Variants in TPGS1 observed in about 807,000 individuals in gnomAD.
TPGS1 encodes tubulin polyglutamylase complex subunit 1.
In TPGS1, 18 loss-of-function variants were observed where a neutral mutation model predicts 11.9. That is an observed-to-expected ratio of 1.51 (90% CI 1.04 to 2.24). The LOEUF (loss-of-function observed/expected upper bound fraction) is 2.24. Ranked by LOEUF, TPGS1 falls within the 30% of genes most tolerant of loss-of-function variation. TPGS1 has a pLI of 0.00. For missense variants in TPGS1, 500 were observed against 443.0 expected (o/e 1.13, Z -1.16); for synonymous variants, 247 against 218.2 (o/e 1.13, Z -1.16).
intron 1 of TPGS1, among the ~76,000 whole-genome samples, chr19:516,278 C>T (rs928511866): frequency 1.3e-5 from 2 of 152,068 alleles, no homozygotes; most frequent in Non-Finnish European, 2.9e-5. Flanking sequence ...GAACAAAGGG[C>T]TTTTCCTATT....
chr19:512,198 C>A (rs925080691), intron 1 of TPGS1, among the ~76,000 whole-genome samples: 19 of 152,194 alleles, frequency 1.2e-4, no homozygotes, highest in Admixed American at 1.0e-3. Flanking sequence ...CAGGGTCTTG[C>A]TGTCACGCAG....
In TPGS1 at chr19:507,725, C is replaced by T. The variant is rs1435727109; in HGVS notation, c.219C>T (p.Asn73=). ...CCTTCCTGGCTCACTACTTCGAGAA[C>T]ATGGGCCTGCGCTCGCCTGTAAACG... is the stretch of plus-strand genomic sequence containing the variant. ...PIAFLAHYFE[N]MGLRSPVNGG... Residue 73 remains asparagine (N), a synonymous_variant, in exon 1 of 2, where the codon AAC becomes AAT. Transcript: ENST00000359315. The T allele has an allele frequency of 1.4e-6, 2 of 1,401,362 alleles. No homozygotes were observed. Among genetic ancestry groups the T allele is most frequent in the African/African-American group, 1.5e-5 (1 of 66,434 alleles). 86.8% of individuals were successfully genotyped at this position (1,401,362 alleles called of 1,614,324 possible).
intron 1 of TPGS1, among the ~76,000 whole-genome samples, chr19:510,940 A>G (rs1978777234): frequency 6.6e-6 from 1 of 152,190 alleles, no homozygotes; most frequent in African/African-American, 2.4e-5. Context: ...CGTGACAACC[A>G]CAGATGTCCC....
chr19:519,319 G>T lies in TPGS1; in HGVS notation c.769G>T (p.Asp257Tyr). The change falls in exon 2 of 2, where the codon GAC becomes TAC. Residue 257 changes from aspartate (D) to tyrosine (Y), a missense_variant. Physicochemically the swap from Asp to Tyr is radical, Grantham distance 160. Transcript: ENST00000359315. ...GCCCGACAGCCTGGCGCTGGCGCTGGACCGCGCCGTCGGGGGGCGGCGGCC... is the reference window on the plus strand; with the variant it reads ...GCCCGACAGCCTGGCGCTGGCGCTGTACCGCGCCGTCGGGGGGCGGCGGCC... ...LGPDSLALAL[D>Y]RAVGGRRPSA... 8.4e-7 allele frequency: 1 copy of T among 1,189,366 alleles called. No homozygotes were observed. The highest frequency in any genetic ancestry group is 3.7e-5 in the East Asian group (1 of 27,162). 73.7% of individuals were successfully genotyped at this position (1,189,366 alleles called of 1,614,324 possible).
chr19:515,134 C>T (rs930011289), intron 1 of TPGS1, among the ~76,000 whole-genome samples: 1 of 152,222 alleles, frequency 6.6e-6, no homozygotes, highest in African/African-American at 2.4e-5. Flanking sequence ...TGTCAGCGGA[C>T]TGATGTGGTT....
rs552616925 is a variant in TPGS1 at position 519,297 on chromosome 19, C to T, written c.747C>T (p.Pro249=). 6 of 1,188,672 alleles carry T rather than the reference C, an allele frequency of 5.0e-6. No individual in the cohort carries two copies. Among genetic ancestry groups the T allele is most frequent in the African/African-American group, 1.6e-5 (1 of 62,170 alleles). 73.6% of individuals were successfully genotyped at this position (1,188,672 alleles called of 1,614,324 possible). Residue 249 remains proline, a synonymous_variant, in exon 2 of 2, where the codon CCC becomes CCT. Coordinates refer to ENST00000359315, the MANE Select transcript of TPGS1 (RefSeq NM_033513.3). ...RFLEAGSRLG[P]DSLALALDRA... ...TGGAGGCCGGCTCGCGCTTGGGGCC[C>T]GACAGCCTGGCGCTGGCGCTGGACC...
chr19:509,127 C>T (rs1978713282), intron 1 of TPGS1: 1 of 152,242 alleles, frequency 6.6e-6, no homozygotes, highest in Non-Finnish European at 1.5e-5. Context: ...GAAGACTGAA[C>T]TGGAGGGGTC....
At chr19:509,892 G>C in intron 1 of TPGS1, 1 of 152,578 alleles carries the variant, frequency 6.6e-6, no homozygotes, top group Non-Finnish European at 1.5e-5. Context: ...CCCGGCCCTG[G>C]GCTCGCCTGG....
At chr19:510,885 A>G (rs116617193) in intron 1 of TPGS1, among the ~76,000 whole-genome samples, 2,682 of 152,284 alleles carry the variant, frequency 0.018, 78 homozygotes, top group African/African-American at 0.062. Context: ...GGCCCTGAGC[A>G]GCGTCCCTGG....
chr19:518,661 G>A (rs1478952775), intron 1 of TPGS1, among the ~76,000 whole-genome samples: 3 of 143,710 alleles, frequency 2.1e-5, no homozygotes, highest in East Asian at 2.1e-4. Context: ...GGGATGCTGC[G>A]GGGAGGAGAG....
chr19:508,006 G>A (rs761446138), intron 1 of TPGS1, 162 bp downstream of exon 1: 24 of 531,996 alleles, frequency 4.5e-5, no homozygotes, highest in Non-Finnish European at 6.6e-5. Flanking sequence ...GACAAGGTGG[G>A]CTGGAGGGTC....
intron 1 of TPGS1, 24 bp downstream of exon 1, chr19:507,868 G>A: frequency 7.6e-7 from 1 of 1,308,878 alleles, no homozygotes; most frequent in South Asian, 2.1e-5. Flanking sequence ...CGGCTTGGGC[G>A]GGTGGGGCAG....
chr19:519,186 G>A lies in TPGS1; in HGVS notation c.636G>A (p.Val212=), dbSNP rs1383015716. 2.0e-6 allele frequency: 3 copies of A among 1,488,340 alleles called. No individual in the cohort carries two copies. Among genetic ancestry groups the A allele is most frequent in the South Asian group, 1.3e-5 (1 of 78,412 alleles). 92.2% of individuals were successfully genotyped at this position (1,488,340 alleles called of 1,614,324 possible). A position where few individuals can be genotyped will look rare whatever the true frequency, so the allele number is the denominator to read the frequency against. Residue 212 remains valine (V), a synonymous_variant, in exon 2 of 2, where the codon GTG becomes GTA. Transcript: ENST00000359315. Reference sequence around the variant, plus strand: ...TGCTGGAGGACTCGGCCGCCGCCGTGGCCGACCGCCGCGTGGGCCAGGCCG... The same window carrying A: ...TGCTGGAGGACTCGGCCGCCGCCGTAGCCGACCGCCGCGTGGGCCAGGCCG... ...FQLLEDSAAA[V]ADRRVGQAVL...
chr19:513,225 C>T (rs1347895673), intron 1 of TPGS1, among the ~76,000 whole-genome samples: 1 of 152,200 alleles, frequency 6.6e-6, no homozygotes, highest in East Asian at 1.9e-4. Context: ...GAGCTCGGGC[C>T]GCCGCGCTGA....
intron 1 of TPGS1, among the ~76,000 whole-genome samples, chr19:517,159 G>A (rs376453021): frequency 1.2e-4 from 18 of 151,504 alleles, no homozygotes; most frequent in African/African-American, 3.6e-4. Flanking sequence ...GTGGGACAGC[G>A]AGTGAGACAG....
chr19:507,714 T>G lies in TPGS1; in HGVS notation c.208T>G (p.Tyr70Asp). The change falls in exon 1 of 2, where the codon TAC becomes GAC. Residue 70 changes from tyrosine to aspartate, a missense_variant. Tyr to Asp is a radical substitution (Grantham distance 160). Transcript: ENST00000359315. Reference protein sequence around the residue: ...PEEPIAFLAHYFENMGLRSPV... With the variant: ...PEEPIAFLAHDFENMGLRSPV... The stretch of plus-strand genomic sequence containing the variant: ...GGAGCCGATCGCCTTCCTGGCTCAC[T>G]ACTTCGAGAACATGGGCCTGCGCTC... 5 of 1,398,666 alleles carry G rather than the reference T, an allele frequency of 3.6e-6. No individual in the cohort carries two copies. Among genetic ancestry groups the G allele is most frequent in the Non-Finnish European group, 4.7e-6 (5 of 1,070,190 alleles). 86.6% of individuals were successfully genotyped at this position (1,398,666 alleles called of 1,614,324 possible).
intron 1 of TPGS1, among the ~76,000 whole-genome samples, chr19:517,221 C>G (rs529281086): frequency 6.7e-6 from 1 of 148,384 alleles, no homozygotes; most frequent in African/African-American, 2.5e-5. Flanking sequence ...TCAGGGGAGG[C>G]GACATTTGAG....
At chr19:510,667 C>G (rs1978767101) in intron 1 of TPGS1, among the ~76,000 whole-genome samples, 1 of 152,244 alleles carries the variant, frequency 6.6e-6, no homozygotes, top group Non-Finnish European at 1.5e-5. Flanking sequence ...GAAGGCCACA[C>G]GGCCACCGAG....
chr19:507,584 C>T lies in TPGS1; in HGVS notation c.78C>T (p.Ser26=), dbSNP rs753622857. The change falls in exon 1 of 2, where the codon TCC becomes TCT. Residue 26 remains serine (S), a synonymous_variant. Coordinates refer to ENST00000359315, the MANE Select transcript of TPGS1 (RefSeq NM_033513.3). ...CGGACAGCGGCCGCCAGTCGGTATC[C>T]CGGGCGGCGGGGGCGGCCGAGAGCG... ...GFTDSGRQSV[S]RAAGAAESEE... 8 of 1,399,262 alleles carry T rather than the reference C, an allele frequency of 5.7e-6. No individual in the cohort carries two copies. Among genetic ancestry groups the T allele is most frequent in the African/African-American group, 1.5e-5 (1 of 66,614 alleles). The allele number at this position is 1,399,262 out of a possible 1,614,324, so 86.7% of individuals were successfully genotyped here. A position where few individuals can be genotyped will look rare whatever the true frequency, so the allele number is the denominator to read the frequency against.
Sources: gnomAD v4.1 joint callset for allele counts (sites outside exome capture counted in the v4.1 genomes callset) on GRCh38, gnomAD v4.1.1 for gene constraint, MANE v1.5 for transcripts, NCBI Gene and HGNC (gene_info 2026-07-23, HGNC 2026-07-21) for gene names.